SPMAP2L: variants seen among roughly 807,000 people sequenced by gnomAD.
The protein encoded by SPMAP2L is sperm microtubule associated protein 2 like, also known as sperm microtubule associated protein 2-like.
the SPMAP2L span, among the ~76,000 whole-genome samples, chr4:56,580,046 A>C: frequency 6.6e-6 from 1 of 152,216 alleles, no homozygotes; most frequent in East Asian, 1.9e-4. Context: ...TCAAAAAATC[A>C]GACACTTTCC....
the SPMAP2L span, among the ~76,000 whole-genome samples, chr4:56,610,880 C>G: frequency 6.6e-6 from 1 of 152,116 alleles, no homozygotes. Flanking sequence ...AAATGCAAAT[C>G]AAAACCACAA....
At chr4:56,559,651 T>G in the SPMAP2L span, 6 of 912,244 alleles carry the variant, frequency 6.6e-6, no homozygotes, top group African/African-American at 1.1e-4. Context: ...CACTGCAACC[T>G]CCGCCTCCCA....
chr4:56,541,568 A>C, the SPMAP2L span, among the ~76,000 whole-genome samples: 1 of 150,420 alleles, frequency 6.6e-6, no homozygotes, highest in Admixed American at 6.6e-5. Flanking sequence ...GTTATAATAA[A>C]CCCCTATGTA....
chr4:56,574,478 A>G, the SPMAP2L span, among the ~76,000 whole-genome samples: 1 of 152,180 alleles, frequency 6.6e-6, no homozygotes, highest in African/African-American at 2.4e-5. Context: ...CTAAAAATTC[A>G]TAGTTAACAA....
chr4:56,612,723 C>T, the SPMAP2L span, among the ~76,000 whole-genome samples: 29 of 152,116 alleles, frequency 1.9e-4, no homozygotes, highest in Non-Finnish European at 3.5e-4. Context: ...CGTGCCTCCA[C>T]GCCCGGCTAA....
At chr4:56,540,744 A>G in the SPMAP2L span, among the ~76,000 whole-genome samples, 3 of 152,224 alleles carry the variant, frequency 2.0e-5, no homozygotes, top group Non-Finnish European at 4.4e-5. Flanking sequence ...GGCCCCTTAA[A>G]TGGAAGAAAA....
chr4:56,578,953 C>G, the SPMAP2L span, among the ~76,000 whole-genome samples: 61 of 151,884 alleles, frequency 4.0e-4, no homozygotes, highest in African/African-American at 1.4e-3. Flanking sequence ...AAGATAACAA[C>G]TATAAACATA....
chr4:56,546,588 C>A, the SPMAP2L span, among the ~76,000 whole-genome samples: 1 of 152,222 alleles, frequency 6.6e-6, no homozygotes, highest in South Asian at 2.1e-4. Context: ...AGAGCTATTT[C>A]ATCCTGCCAA....
the SPMAP2L span, among the ~76,000 whole-genome samples, chr4:56,614,383 G>A: frequency 3.9e-5 from 6 of 152,238 alleles, no homozygotes; most frequent in South Asian, 6.2e-4. Context: ...GGCCGGGTGT[G>A]GTGGCTCACA....
chr4:56,593,785 G>A, the SPMAP2L span: 1 of 1,588,414 alleles, frequency 6.3e-7, no homozygotes. Context: ...AGAGAGACAT[G>A]GCTACCAGCA....
chr4:56,599,495 C>CTAGGTTTTAAACCCCACATGCATT, the SPMAP2L span, among the ~76,000 whole-genome samples: 31 of 152,190 alleles, frequency 2.0e-4, no homozygotes, highest in African/African-American at 7.0e-4. Flanking sequence ...AACCTGTCAC[C>CTAGGTTTTAAACCCCACATGCATT]TAGGTTTTAA....
chr4:56,594,166 G>C, the SPMAP2L span: 1 of 1,612,670 alleles, frequency 6.2e-7, no homozygotes, highest in Non-Finnish European at 8.5e-7. Context: ...GCATGGGAGA[G>C]GAGTGCAGAG....
At chr4:56,532,135 A>G in the SPMAP2L span, among the ~76,000 whole-genome samples, 12,075 of 152,120 alleles carry the variant, frequency 0.079, 621 homozygotes, top group Admixed American at 0.14. Flanking sequence ...AGCTCACTTT[A>G]TTCCCTTAGT....
chr4:56,623,269 A>G, the SPMAP2L span, among the ~76,000 whole-genome samples: 4 of 152,050 alleles, frequency 2.6e-5, no homozygotes, highest in African/African-American at 7.2e-5. Context: ...ACCCCCACCC[A>G]TGGAAAACTC....
chr4:56,540,766 G>A, the SPMAP2L span, among the ~76,000 whole-genome samples: 2 of 152,212 alleles, frequency 1.3e-5, no homozygotes, highest in African/African-American at 2.4e-5. Context: ...AAGCACCGCT[G>A]CTATTTTCTC....
the SPMAP2L span, among the ~76,000 whole-genome samples, chr4:56,568,608 C>CTTAA: frequency 1.3e-5 from 2 of 152,088 alleles, no homozygotes; most frequent in African/African-American, 4.8e-5. Context: ...GGGAGGATCG[C>CTTAA]CTGCACTCAG....
chr4:56,562,579 A>G, the SPMAP2L span, among the ~76,000 whole-genome samples: 3 of 152,172 alleles, frequency 2.0e-5, no homozygotes, highest in African/African-American at 7.2e-5. Context: ...CATTCCCTCT[A>G]AATTCACTCA....
the SPMAP2L span, among the ~76,000 whole-genome samples, chr4:56,580,220 T>C: frequency 6.6e-6 from 1 of 152,034 alleles, no homozygotes; most frequent in South Asian, 2.1e-4. Context: ...CAACAATTCA[T>C]ACCAAAAACT....
At chr4:56,600,926 C>T in the SPMAP2L span, 13 of 1,531,538 alleles carry the variant, frequency 8.5e-6, no homozygotes, top group East Asian at 2.4e-5. Flanking sequence ...TCTTTGTTTC[C>T]ACTATAGGTA....
Sources: allele counts gnomAD v4.1 joint callset (sites outside exome capture counted in the v4.1 genomes callset), GRCh38; gene constraint gnomAD v4.1.1; transcripts MANE v1.5; gene names NCBI Gene and HGNC (gene_info 2026-07-23, HGNC 2026-07-21).